Variants in FYN observed in about 807,000 individuals in gnomAD.
FYN encodes the protein tyrosine-protein kinase Fyn.
FYN carries 10 observed loss-of-function variants against 70.2 expected under a neutral mutation model. The ratio of observed to expected loss-of-function variants is 0.14; its 90% CI spans 0.09 to 0.24. FYN has a LOEUF of 0.24. Ranked by LOEUF, FYN falls within the 10% of genes least tolerant of loss-of-function variation. The pLI is 1.00. For synonymous variants in FYN, 236 were observed against 248.6 expected (o/e 0.95, Z 0.48); for missense variants, 319 against 673.1 (o/e 0.47, Z 5.82).
chr6:111,687,319 T>C (rs1180739734), intron 12 of FYN, among the ~76,000 whole-genome samples: 1 of 152,190 alleles, frequency 6.6e-6, no homozygotes, highest in Non-Finnish European at 1.5e-5. Context: ...AACAGACACA[T>C]TTTTCTTCTT....
At chr6:111,795,314 G>A (rs1352251987) in intron 2 of FYN, among the ~76,000 whole-genome samples, 1 of 152,166 alleles carries the variant, frequency 6.6e-6, no homozygotes, top group African/African-American at 2.4e-5. Flanking sequence ...CAAAGGAAAG[G>A]CCATGTAAGG....
intron 2 of FYN, among the ~76,000 whole-genome samples, chr6:111,804,216 G>C (rs570115385): frequency 7.0e-4 from 106 of 152,336 alleles, no homozygotes; most frequent in Admixed American, 1.6e-3. Context: ...TAAGGATTCA[G>C]AAAAACAGGC....
chr6:111,696,159 T>A (rs1799564248), intron 10 of FYN, 118 bp downstream of exon 10: 8 of 857,160 alleles, frequency 9.3e-6, no homozygotes, highest in Non-Finnish European at 1.2e-5. Flanking sequence ...TGGTTCCTAA[T>A]GGGAATACTT....
chr6:111,765,166 A>G (rs1298545637), intron 3 of FYN, among the ~76,000 whole-genome samples: 1 of 152,104 alleles, frequency 6.6e-6, no homozygotes, highest in East Asian at 1.9e-4. Flanking sequence ...ACATGAGCAC[A>G]CACACTCTCA....
At chr6:111,737,454 A>G (rs912079527) in intron 3 of FYN, among the ~76,000 whole-genome samples, 1 of 152,200 alleles carries the variant, frequency 6.6e-6, no homozygotes, top group African/African-American at 2.4e-5. Flanking sequence ...GAACCCAGGG[A>G]AACAGTTATG....
chr6:111,703,045 T>C lies in FYN; in HGVS notation c.548-11A>G. On this transcript the variant is annotated splice_polypyrimidine_tract_variant and intron_variant, in intron 7 of 13. Coordinates refer to ENST00000354650, the MANE Select transcript of FYN (RefSeq NM_002037.5). Reference sequence around the variant, plus strand: ...AAAGTGAATAGGCACCTGGTAAACGTGGAAAGCATTAGCAGCTCCAATCAT... The same window carrying C: ...AAAGTGAATAGGCACCTGGTAAACGCGGAAAGCATTAGCAGCTCCAATCAT... 2 of 1,613,104 alleles carry C rather than the reference T, an allele frequency of 1.2e-6. No homozygotes were observed. Among genetic ancestry groups the C allele is most frequent in the Non-Finnish European group, 1.7e-6 (2 of 1,179,490 alleles).
At chr6:111,760,506 T>C (rs1802955659) in intron 3 of FYN, among the ~76,000 whole-genome samples, 1 of 152,182 alleles carries the variant, frequency 6.6e-6, no homozygotes, top group Non-Finnish European at 1.5e-5. Flanking sequence ...ATTTAATGTG[T>C]GTTATGCAAA....
At chr6:111,674,409 G>T (rs975241436) in intron 13 of FYN, 90 bp downstream of exon 13, 1 of 1,407,026 alleles carries the variant, frequency 7.1e-7, no homozygotes. Flanking sequence ...CTGAGGATGG[G>T]GCTTAGAAAG....
chr6:111,676,766 TA>T (rs1186631449), intron 12 of FYN, among the ~76,000 whole-genome samples: 1 of 152,216 alleles, frequency 6.6e-6, no homozygotes, highest in Non-Finnish European at 1.5e-5. Context: ...ATCCTGTAAA[TA>T]AAATGACAAC....
intron 2 of FYN, among the ~76,000 whole-genome samples, chr6:111,820,591 T>C (rs1772627364): frequency 6.6e-6 from 1 of 152,192 alleles, no homozygotes; most frequent in Non-Finnish European, 1.5e-5. Flanking sequence ...TAGTATTCTC[T>C]GCATAATATA....
chr6:111,704,245 TAA>T, intron 6 of FYN, 143 bp from the exon 7 acceptor site: 1 of 634,376 alleles, frequency 1.6e-6, no homozygotes, highest in Non-Finnish European at 2.8e-6. Context: ...TTTTCTAGCT[TAA>T]TTCAGTTCCT....
rs181060888 is a variant in FYN at position 111,661,462 on chromosome 6, C to G, written c.*277G>C. 3.0e-6 allele frequency: 1 copy of G among 336,302 alleles called. No homozygotes were observed. Among genetic ancestry groups the G allele is most frequent in the African/African-American group, 2.1e-5 (1 of 48,346 alleles). The allele number at this position is 336,302 out of a possible 1,614,324, so 20.8% of individuals were successfully genotyped here. On this transcript the variant is annotated 3_prime_UTR_variant, in exon 14 of 14. Coordinates refer to ENST00000354650, the MANE Select transcript of FYN (RefSeq NM_002037.5). The surrounding 1 kb of genome is among the most constrained non-coding windows in gnomAD (Gnocchi z 4.0). ...GTTGGCACTGGAGTAACTATTTACA[C>G]TGAACAGAGGTTTGGCCTTTTACAT... is the stretch of plus-strand genomic sequence containing the variant.
chr6:111,678,132 G>A (rs1798624363), intron 12 of FYN, among the ~76,000 whole-genome samples: 1 of 151,368 alleles, frequency 6.6e-6, no homozygotes, highest in South Asian at 2.1e-4. Context: ...GTGTGTGTGT[G>A]TGTGTGTGTG....
chr6:111,705,748 C>T (rs1014509543), intron 6 of FYN, among the ~76,000 whole-genome samples: 6 of 152,140 alleles, frequency 3.9e-5, no homozygotes, highest in Non-Finnish European at 8.8e-5. Context: ...ATTCGGGAGG[C>T]TGGGGCACGA....
Position 111,710,685 on chromosome 6 carries a change from A to G in FYN, c.345-2665T>C, listed in dbSNP as rs538794062. ...CTAGAGAGGCTGGTACAGACTCAAA[A>G]TATTCATTGAGAGCCGTTGAGCGAG... On this transcript the variant is annotated intron_variant, in intron 5 of 13. Transcript: ENST00000354650. Among the ~76,000 whole-genome samples, 7 of 152,346 alleles carry G rather than the reference A, an allele frequency of 4.6e-5. No individual in the cohort carries two copies. In the East Asian group the frequency reaches 7.7e-4, roughly 17 times the overall value.
chr6:111,709,603 A>G (rs927755097), intron 5 of FYN, among the ~76,000 whole-genome samples: 6 of 152,248 alleles, frequency 3.9e-5, no homozygotes, highest in Non-Finnish European at 7.3e-5. Context: ...AAATCCAGCA[A>G]AAGTACAGTA....
chr6:111,863,486 A>T (rs1774021104), intron 1 of FYN, among the ~76,000 whole-genome samples: 1 of 152,212 alleles, frequency 6.6e-6, no homozygotes, highest in Non-Finnish European at 1.5e-5. Flanking sequence ...ATTGGGCAGG[A>T]TTTCACAGAA....
chr6:111,838,351 A>G (rs934399633), intron 2 of FYN, among the ~76,000 whole-genome samples: 1 of 152,220 alleles, frequency 6.6e-6, no homozygotes, highest in African/African-American at 2.4e-5. Context: ...GCAGTTTCAC[A>G]AGACTATTAT....
intron 2 of FYN, among the ~76,000 whole-genome samples, chr6:111,823,380 A>T (rs1418368618): frequency 6.6e-6 from 1 of 152,210 alleles, no homozygotes; most frequent in African/African-American, 2.4e-5. Flanking sequence ...AATGTGAAAT[A>T]TCCTGACTTC....
Sources: allele counts gnomAD v4.1 joint callset (sites outside exome capture counted in the v4.1 genomes callset), GRCh38; gene constraint gnomAD v4.1.1; non-coding constraint Gnocchi (gnomAD v3.1); transcripts MANE v1.5; gene names NCBI Gene and HGNC (gene_info 2026-07-23, HGNC 2026-07-21).